Variants in ESPN observed in about 807,000 individuals in gnomAD.
ESPN encodes espin.
ESPN carries 68 observed loss-of-function variants against 77.7 expected under a neutral mutation model. The observed-to-expected ratio is 0.87, with a 90% confidence interval of 0.72 to 1.07. The LOEUF (loss-of-function observed/expected upper bound fraction) is 1.07, where lower values mean the gene tolerates loss of function less well. Ranked by LOEUF, ESPN falls within the 50% of genes least tolerant of loss-of-function variation. The probability of loss-of-function intolerance (pLI) is 0.00; values close to 1 mark genes in which losing one functional copy is unlikely to be tolerated. For synonymous variants in ESPN, 449 were observed against 567.1 expected, an observed-to-expected ratio of 0.79 and a Z score of 2.96; for missense variants, 1,060 against 1,239.0, an observed-to-expected ratio of 0.86 and a Z score of 2.17.
intron 3 of ESPN, 58 bp from the exon 4 acceptor site, chr1:6,440,568 G>GC: frequency 2.0e-6 from 2 of 1,010,328 alleles, no homozygotes; most frequent in Non-Finnish European, 2.8e-6. Flanking sequence ...ACAGGGGGCG[G>GC]GCCTACAGGG....
intron 10 of ESPN, 115 bp from the exon 11 acceptor site, chr1:6,457,069 G>A: frequency 9.7e-7 from 1 of 1,034,742 alleles, no homozygotes; most frequent in South Asian, 1.4e-5. Flanking sequence ...TTGTCACACA[G>A]ATGTGCATCA....
Position 6,428,078 on chromosome 1 carries a change from A to T in ESPN, c.295-148A>T, listed in dbSNP as rs1643104886. The T allele has an allele frequency of 1.2e-6, 1 of 845,056 alleles. No individual in the cohort carries two copies. Among genetic ancestry groups the T allele is most frequent in the Admixed American group, 2.2e-5 (1 of 45,862 alleles). 52.3% of individuals were successfully genotyped at this position (845,056 alleles called of 1,614,324 possible). A position where few individuals can be genotyped will look rare whatever the true frequency, so the allele number is the denominator to read the frequency against. On this transcript the variant is annotated intron_variant, in intron 1 of 12. Transcript: ENST00000645284. This position sits in a 1 kb window ranked among gnomAD's most constrained non-coding sequence, Gnocchi z 5.4. ...CCCAGGATCCGCTTGACCCAAAAAAAACATTGCTGAATGAGGCCTGGCCAA... is the reference window on the plus strand; with the variant it reads ...CCCAGGATCCGCTTGACCCAAAAAATACATTGCTGAATGAGGCCTGGCCAA...
At chr1:6,452,323 G>A (rs1159378984) in intron 10 of ESPN, among the ~76,000 whole-genome samples, 2 of 151,988 alleles carry the variant, frequency 1.3e-5, no homozygotes, top group Admixed American at 1.3e-4. Flanking sequence ...TCCTGCCTCA[G>A]CCTCCCAGGT....
At position 6,451,401 on chromosome 1, in the gene ESPN, CCA is replaced by C. The variant is rs1308766987; in HGVS notation, c.1916-199_1916-198del. The C allele has an allele frequency of 7.4e-6, 5 of 674,582 alleles. No individual in the cohort carries two copies. The highest frequency in any genetic ancestry group is 3.6e-5 in the African/African-American group (2 of 55,506). The allele number at this position is 674,582 out of a possible 1,614,324, so 41.8% of individuals were successfully genotyped here. ...TAGGGTGGGGAAGATGGTGGGGTTGCCACAGTCAGGGAACCAAGGGCCCGCCT... is the reference window on the plus strand; with the variant it reads ...TAGGGTGGGGAAGATGGTGGGGTTGCCAGTCAGGGAACCAAGGGCCCGCCT... On this transcript the variant is annotated intron_variant, in intron 8 of 12. Transcript: ENST00000645284. This position sits in a 1 kb window ranked among gnomAD's most constrained non-coding sequence, Gnocchi z 4.3.
At chr1:6,453,855 G>A (rs1461494804) in intron 10 of ESPN, among the ~76,000 whole-genome samples, 1 of 152,130 alleles carries the variant, frequency 6.6e-6, no homozygotes, top group Non-Finnish European at 1.5e-5. Context: ...AGAATATTAC[G>A]GTGCCCAGCT....
In ESPN at chr1:6,444,021, C is replaced by G. The variant is rs565538205; in HGVS notation, c.991-460C>G. 3.9e-5 allele frequency among the ~76,000 whole-genome samples: 6 copies of G among 152,356 alleles called. No individual in the cohort carries two copies. In the East Asian group the frequency reaches 1.2e-3, roughly 29 times the overall value. ...CCCACCCTTACCCCGAGGGCCCCAT[C>G]AGGAGACAGGCCGGGCTGGTGTTGG... On this transcript the variant is annotated intron_variant, in intron 5 of 12. Coordinates refer to ENST00000645284, the MANE Select transcript of ESPN (RefSeq NM_031475.3).
At chr1:6,457,460 A>G in intron 12 of ESPN, 88 bp downstream of exon 12, 1 of 1,512,524 alleles carries the variant, frequency 6.6e-7, no homozygotes, top group Non-Finnish European at 9.2e-7. Context: ...ATTTGAGTAC[A>G]TCCTCCTGTC....
At chr1:6,456,157 C>A (rs937670244) in intron 10 of ESPN, 30 of 399,330 alleles carry the variant, frequency 7.5e-5, no homozygotes, top group Non-Finnish European at 1.3e-4. Context: ...CGCAGCTTCT[C>A]CTTCTGGAAA....
chr1:6,425,116 T>G lies in ESPN; in HGVS notation c.161T>G (p.Phe54Cys). The G allele has an allele frequency of 6.6e-7, 1 of 1,508,726 alleles. No individual in the cohort carries two copies. Among genetic ancestry groups the G allele is most frequent in the Non-Finnish European group, 8.8e-7 (1 of 1,136,710 alleles). 93.5% of individuals were successfully genotyped at this position (1,508,726 alleles called of 1,614,324 possible). A position where few individuals can be genotyped will look rare whatever the true frequency, so the allele number is the denominator to read the frequency against. The change falls in exon 1 of 13, where the codon TTC becomes TGC. Residue 54 changes from phenylalanine to cysteine, a missense_variant. By Grantham distance (205) the Phe-to-Cys change is radical. Transcript: ENST00000645284. The part of the protein sequence containing the change: ...ARAGKLHCLR[F>C]LVEEAALPAA... The stretch of plus-strand genomic sequence containing the variant: ...GCTGGGAAGCTGCACTGTCTGCGCT[T>G]CCTGGTGGAGGAAGCCGCCCTCCCC...
At chr1:6,433,814 C>T (rs561147931) in intron 2 of ESPN, among the ~76,000 whole-genome samples, 1 of 152,272 alleles carries the variant, frequency 6.6e-6, no homozygotes, top group African/African-American at 2.4e-5. Context: ...AGTCTTTGCC[C>T]AGACCTCACC....
intron 5 of ESPN, among the ~76,000 whole-genome samples, 188 bp from the exon 6 acceptor site, chr1:6,444,293 C>T (rs1339923536): frequency 6.6e-6 from 1 of 152,122 alleles, no homozygotes; most frequent in African/African-American, 2.4e-5. Context: ...TGCTGCCTGG[C>T]GGGGCTGGGC....
intron 5 of ESPN, among the ~76,000 whole-genome samples, chr1:6,443,439 G>A (rs1643718967): frequency 6.6e-6 from 1 of 152,234 alleles, no homozygotes; most frequent in African/African-American, 2.4e-5. Flanking sequence ...GTCAGGGCTT[G>A]GTGCCCTCAG....
In ESPN at chr1:6,437,828, G is replaced by C. The variant is rs1643489063; in HGVS notation, c.489-2426G>C. 6.6e-6 allele frequency: 1 copy of C among 152,422 alleles called. No individual in the cohort carries two copies. The highest frequency in any genetic ancestry group is 2.4e-5 in the African/African-American group (1 of 41,390). The allele number at this position is 152,422 out of a possible 1,614,324, so 9.4% of individuals were successfully genotyped here. A position where few individuals can be genotyped will look rare whatever the true frequency, so the allele number is the denominator to read the frequency against. Reference sequence around the variant, plus strand: ...AGTAGACAGAGAACCAGGGCTTTAGGGACAGGGAGATGCCAGCTGGGAGGG... The same window carrying C: ...AGTAGACAGAGAACCAGGGCTTTAGCGACAGGGAGATGCCAGCTGGGAGGG... On this transcript the variant is annotated intron_variant, in intron 2 of 12. Coordinates refer to ENST00000645284, the MANE Select transcript of ESPN (RefSeq NM_031475.3). The surrounding 1 kb of genome is among the most constrained non-coding windows in gnomAD (Gnocchi z 4.5).
intron 10 of ESPN, chr1:6,454,308 C>CAGACGGGG (rs1644009192): frequency 2.5e-6 from 1 of 397,704 alleles, no homozygotes; most frequent in Admixed American, 4.4e-5. Flanking sequence ...GCGGTCCCTC[C>CAGACGGGG]CTGCAGACGC....
intron 2 of ESPN, among the ~76,000 whole-genome samples, chr1:6,438,589 G>A (rs1208105586): frequency 1.3e-5 from 2 of 152,242 alleles, no homozygotes; most frequent in African/African-American, 2.4e-5. Flanking sequence ...CCATATTGCC[G>A]GCCAGGCCCT....
chr1:6,455,635 C>T, intron 10 of ESPN: 1 of 399,506 alleles, frequency 2.5e-6, no homozygotes, highest in Non-Finnish European at 4.4e-6. Context: ...GACAGCCTCA[C>T]GCTCGACCTC....
chr1:6,438,077 T>C (rs1315621195), intron 2 of ESPN, among the ~76,000 whole-genome samples: 1 of 151,878 alleles, frequency 6.6e-6, no homozygotes, highest in African/African-American at 2.4e-5. Flanking sequence ...GGGAGGTAGA[T>C]GGGCAGGATG....
intron 6 of ESPN, among the ~76,000 whole-genome samples, chr1:6,445,141 C>T (rs1030421284): frequency 6.6e-6 from 1 of 152,226 alleles, no homozygotes; most frequent in African/African-American, 2.4e-5. Flanking sequence ...GAGCAATGCA[C>T]ACACATTCAT....
chr1:6,424,878 C>T lies in ESPN; in HGVS notation c.-78C>T, dbSNP rs1167004112. On this transcript the variant is annotated 5_prime_UTR_variant, in exon 1 of 13. Transcript: ENST00000645284. ...ATCCCCGACGGCCGCACCGCGGGCT[C>T]CTCTGGCCCGCAAGAACACGTGCAT... is the stretch of plus-strand genomic sequence containing the variant. The T allele has an allele frequency of 5.3e-6, 7 of 1,311,690 alleles. No homozygotes were observed. In the African/African-American group the frequency reaches 1.1e-4, roughly 20 times the overall value. The allele number at this position is 1,311,690 out of a possible 1,614,324, so 81.3% of individuals were successfully genotyped here. A position where few individuals can be genotyped will look rare whatever the true frequency, so the allele number is the denominator to read the frequency against.
Sources: allele counts gnomAD v4.1 joint callset (sites outside exome capture counted in the v4.1 genomes callset), GRCh38; gene constraint gnomAD v4.1.1; non-coding constraint Gnocchi (gnomAD v3.1); transcripts MANE v1.5; gene names NCBI Gene and HGNC (gene_info 2026-07-23, HGNC 2026-07-21).